Variants in PCDHGB2 observed in about 807,000 individuals in gnomAD.
PCDHGB2 encodes the protein protocadherin gamma subfamily B, 2, also known as protocadherin gamma-B2.
In PCDHGB2, 55 loss-of-function variants were observed where a neutral mutation model predicts 59.3. That is an observed-to-expected ratio of 0.93 (90% CI 0.75 to 1.16). The LOEUF (loss-of-function observed/expected upper bound fraction) is 1.16. Among genes scored for constraint, PCDHGB2 ranks in the 50% most tolerant of loss-of-function variants. PCDHGB2 has a pLI of 0.00. For missense variants in PCDHGB2, 1,228 were observed against 1,198.5 expected, an observed-to-expected ratio of 1.02 and a Z score of -0.36; for synonymous variants, 516 against 512.0, an observed-to-expected ratio of 1.01 and a Z score of -0.11.
chr5:141,490,942 C>G lies in PCDHGB2; in HGVS notation c.2422-3865C>G. 1 of 1,613,644 alleles carries G rather than the reference C, an allele frequency of 6.2e-7. No individual in the cohort carries two copies. Among genetic ancestry groups the G allele is most frequent in the Non-Finnish European group, 8.5e-7 (1 of 1,179,760 alleles). On this transcript the variant is annotated intron_variant, in intron 1 of 3. Transcript: ENST00000522605. This position sits in a 1 kb window ranked among gnomAD's most constrained non-coding sequence, Gnocchi z 5.4. ...TAATGCCCCAGCTGTGCTGCACCCA[C>G]GGCCAGACTGGGAACACTCAGCCCC...
rs2096153349 is a variant in PCDHGB2 at position 141,417,731 on chromosome 5, C to G, written c.2421+55175C>G. 2.2e-6 allele frequency: 3 copies of G among 1,378,810 alleles called. No homozygotes were observed. In the East Asian group the frequency reaches 7.6e-5, roughly 35 times the overall value. 85.4% of individuals were successfully genotyped at this position (1,378,810 alleles called of 1,614,324 possible). A position where few individuals can be genotyped will look rare whatever the true frequency, so the allele number is the denominator to read the frequency against. On this transcript the variant is annotated intron_variant, in intron 1 of 3. Coordinates refer to ENST00000522605, the MANE Select transcript of PCDHGB2 (RefSeq NM_018923.3). ...AGGCTCCCGGCTGCGCAGACCTTGC[C>G]CAGCACACCAGATTGCCAGCTCCGA...
At chr5:141,425,253 A>G (rs1019069029) in intron 1 of PCDHGB2, among the ~76,000 whole-genome samples, 12 of 152,196 alleles carry the variant, frequency 7.9e-5, no homozygotes, top group Non-Finnish European at 1.5e-4. Context: ...GATATGAGGT[A>G]TTTGGCTGGG....
Position 141,431,980 on chromosome 5 carries a change from C to G in PCDHGB2, c.2422-62827C>G. The G allele has an allele frequency of 6.2e-7, 1 of 1,614,214 alleles. No homozygotes were observed. The highest frequency in any genetic ancestry group is 8.5e-7 in the Non-Finnish European group (1 of 1,180,024). ...GAAATTACTATAGTTTAGTCACAGACATAGTCTTGGATAGGGAACAGGTTC... is the reference window on the plus strand; with the variant it reads ...GAAATTACTATAGTTTAGTCACAGAGATAGTCTTGGATAGGGAACAGGTTC... On this transcript the variant is annotated intron_variant, in intron 1 of 3. Transcript: ENST00000522605. The surrounding 1 kb of genome is among the most constrained non-coding windows in gnomAD (Gnocchi z 4.8).
rs70988800 is a variant in PCDHGB2, at chr5:141,379,889, C to CTTTTTTTTTTTTTTTTTTTTTTTTT, written c.2421+17339_2421+17363dup. Among the ~76,000 whole-genome samples, 41 of 50,832 alleles carry CTTTTTTTTTTTTTTTTTTTTTTTTT rather than the reference C, an allele frequency of 8.1e-4. 4 individuals are homozygous for CTTTTTTTTTTTTTTTTTTTTTTTTT. The highest frequency in any genetic ancestry group is 1.7e-3 in the Admixed American group (6 of 3,578). The allele number at this position is 50,832 out of a possible 152,430, so 33.3% of individuals were successfully genotyped here. A position where few individuals can be genotyped will look rare whatever the true frequency, so the allele number is the denominator to read the frequency against. On this transcript the variant is annotated intron_variant, in intron 1 of 3. Coordinates refer to ENST00000522605, the MANE Select transcript of PCDHGB2 (RefSeq NM_018923.3). ...CTTATTTTATGGTCTGTGAAAGCCT[C>CTTTTTTTTTTTTTTTTTTTTTTTTT]TTTTTTTTTTTTTTTTTTTTTTTTT...
intron 1 of PCDHGB2, among the ~76,000 whole-genome samples, chr5:141,463,302 A>T (rs2099056422): frequency 6.6e-6 from 1 of 151,090 alleles, no homozygotes; most frequent in Non-Finnish European, 1.5e-5. Context: ...ATCTCCCCAA[A>T]CTCTAATATC....
intron 1 of PCDHGB2, chr5:141,410,847 G>GTTTTTTT (rs773839667): frequency 8.8e-5 from 14 of 158,320 alleles, no homozygotes; most frequent in African/African-American, 4.2e-4. Flanking sequence ...TTTTGTCTTT[G>GTTTTTTT]TCTTTTTTTT....
Position 141,490,799 on chromosome 5 carries a change from G to A in PCDHGB2, c.2422-4008G>A, listed in dbSNP as rs757092044. On this transcript the variant is annotated intron_variant, in intron 1 of 3. Coordinates refer to ENST00000522605, the MANE Select transcript of PCDHGB2 (RefSeq NM_018923.3). The surrounding 1 kb of genome is among the most constrained non-coding windows in gnomAD (Gnocchi z 5.4). ...GAGGATGGACGGATCTTTGCCCAGC[G>A]TACCTTTGACTATGAATTGCTGCAG... is the stretch of plus-strand genomic sequence containing the variant. 2.7e-5 allele frequency: 43 copies of A among 1,613,888 alleles called. No individual in the cohort carries two copies. Among genetic ancestry groups the A allele is most frequent in the Middle Eastern group, 3.3e-4 (2 of 6,062 alleles).
Position 141,366,562 on chromosome 5 carries a change from T to A in PCDHGB2, c.2421+4006T>A, listed in dbSNP as rs767375100. 15 of 1,614,112 alleles carry A rather than the reference T, an allele frequency of 9.3e-6. No homozygotes were observed. The East Asian group carries it at 2.0e-4, about 22-fold the overall frequency. On this transcript the variant is annotated intron_variant, in intron 1 of 3. Transcript: ENST00000522605. Reference sequence around the variant, plus strand: ...CCGCCTCGCACTTTGTGGGCGTGGATGGGGTTCGGGCTTTCCTGCAGACCT... The same window carrying A: ...CCGCCTCGCACTTTGTGGGCGTGGAAGGGGTTCGGGCTTTCCTGCAGACCT...
intron 1 of PCDHGB2, chr5:141,393,454 C>A: frequency 1.2e-6 from 2 of 1,614,046 alleles, no homozygotes; most frequent in South Asian, 1.1e-5. Context: ...GTCCTCACGG[C>A]CTCGGATGGC....
Position 141,505,383 on chromosome 5 carries a change from C to T in PCDHGB2, c.2481-10C>T, listed in dbSNP as rs369765886. On this transcript the variant is annotated splice_polypyrimidine_tract_variant and intron_variant, in intron 2 of 3. Coordinates refer to ENST00000522605, the MANE Select transcript of PCDHGB2 (RefSeq NM_018923.3). Reference sequence around the variant, plus strand: ...GGGAGTCTGTGCTCACCATCCTACTCTCTCCCCAGCTCCCAAAATGGCGAT... The same window carrying T: ...GGGAGTCTGTGCTCACCATCCTACTTTCTCCCCAGCTCCCAAAATGGCGAT... The T allele has an allele frequency of 1.2e-6, 2 of 1,613,944 alleles. No individual in the cohort carries two copies. Among genetic ancestry groups the T allele is most frequent in the African/African-American group, 2.7e-5 (2 of 74,914 alleles).
At chr5:141,379,889 C>CTTTATTTTTTTTTTTTTTTTTTTTTTTT (rs1775940253) in intron 1 of PCDHGB2, among the ~76,000 whole-genome samples, 1 of 50,830 alleles carries the variant, frequency 2.0e-5, no homozygotes, top group Non-Finnish European at 3.9e-5. Flanking sequence ...GTGAAAGCCT[C>CTTTATTTTTTTTTTTTTTTTTTTTTTTT]TTTTTTTTTT....
At chr5:141,472,046 A>T (rs945911971) in intron 1 of PCDHGB2, among the ~76,000 whole-genome samples, 4 of 152,210 alleles carry the variant, frequency 2.6e-5, no homozygotes, top group Non-Finnish European at 4.4e-5. Context: ...AAAAGATTTT[A>T]AAAATGATTG....
chr5:141,478,096 T>C (rs749277013), intron 1 of PCDHGB2: 1 of 1,614,074 alleles, frequency 6.2e-7, no homozygotes, highest in South Asian at 1.1e-5. Context: ...CCACCACTGC[T>C]ACCCTCACTG....
chr5:141,375,347 G>A, intron 1 of PCDHGB2: 2 of 1,613,852 alleles, frequency 1.2e-6, no homozygotes, highest in South Asian at 2.2e-5. Flanking sequence ...CAACATCACT[G>A]TGACAGCCAC....
In PCDHGB2 at chr5:141,491,634, C is replaced by T; in HGVS notation, c.2422-3173C>T. On this transcript the variant is annotated intron_variant, in intron 1 of 3. Coordinates refer to ENST00000522605, the MANE Select transcript of PCDHGB2 (RefSeq NM_018923.3). This position sits in a 1 kb window ranked among gnomAD's most constrained non-coding sequence, Gnocchi z 6.9. ...TAAGACCCCTCAGCGTTCAGCAGCC[C>T]ACAGCTCTGGCGCTGGAGCCTGACG... 1 of 1,613,892 alleles carries T rather than the reference C, an allele frequency of 6.2e-7. No individual in the cohort carries two copies. Among genetic ancestry groups the T allele is most frequent in the South Asian group, 1.1e-5 (1 of 91,084 alleles).
intron 1 of PCDHGB2, chr5:141,400,163 ACC>A (rs2093974471): frequency 6.2e-7 from 1 of 1,613,712 alleles, no homozygotes. Context: ...GTACCCTCTG[ACC>A]CCCAGGCTGA....
intron 1 of PCDHGB2, among the ~76,000 whole-genome samples, chr5:141,483,725 C>T (rs903001715): frequency 1.3e-5 from 2 of 152,008 alleles, no homozygotes; most frequent in Non-Finnish European, 1.5e-5. Context: ...TGGTTCCCAC[C>T]ATAGTCAAAA....
chr5:141,478,465 C>T (rs768021356), intron 1 of PCDHGB2: 6 of 1,613,730 alleles, frequency 3.7e-6, no homozygotes, highest in Non-Finnish European at 5.1e-6. Context: ...GTCCACTGGC[C>T]AGCCGCCAGA....
chr5:141,408,022 G>A (rs915978239), intron 1 of PCDHGB2: 1 of 1,056,122 alleles, frequency 9.5e-7, no homozygotes, highest in Non-Finnish European at 1.3e-6. Context: ...GCCAACAACA[G>A]AAAGAAGAAA....
Sources: gnomAD v4.1 joint callset for allele counts (sites outside exome capture counted in the v4.1 genomes callset) on GRCh38, gnomAD v4.1.1 for gene constraint, Gnocchi (gnomAD v3.1) non-coding constraint, MANE v1.5 for transcripts, NCBI Gene and HGNC (gene_info 2026-07-23, HGNC 2026-07-21) for gene names.